FBXL13: variants seen among roughly 807,000 people sequenced by gnomAD.
FBXL13 encodes the protein F-box and leucine-rich repeat protein 13.
FBXL13 carries 67 observed loss-of-function variants against 83.6 expected under a neutral mutation model. The observed-to-expected ratio is 0.80, with a 90% CI of 0.66 to 0.98. The LOEUF (loss-of-function observed/expected upper bound fraction) is 0.98, where lower values mean the gene tolerates loss of function less well. Ranked by LOEUF, FBXL13 falls within the 50% of genes least tolerant of loss-of-function variation. The pLI is 0.00. For missense variants in FBXL13, 822 were observed against 866.5 expected, an observed-to-expected ratio of 0.95 and a Z score of 0.64; for synonymous variants, 272 against 299.5, an observed-to-expected ratio of 0.91 and a Z score of 0.95.
chr7:102,888,730 T>C (rs563792140), intron 11 of FBXL13, among the ~76,000 whole-genome samples: 2 of 150,818 alleles, frequency 1.3e-5, no homozygotes, highest in African/African-American at 4.9e-5. Flanking sequence ...TTTGTTTTTG[T>C]TTTTTTTTGT....
chr7:102,985,232 C>G (rs1828798043), intron 6 of FBXL13, among the ~76,000 whole-genome samples: 1 of 152,224 alleles, frequency 6.6e-6, no homozygotes, highest in Non-Finnish European at 1.5e-5. Flanking sequence ...ACCTGGCCAG[C>G]ATGCATCTGG....
intron 16 of FBXL13, among the ~76,000 whole-genome samples, chr7:102,869,563 C>T (rs1341040827): frequency 6.6e-6 from 1 of 152,138 alleles, no homozygotes; most frequent in Non-Finnish European, 1.5e-5. Context: ...AACCAATGTC[C>T]TAAAGTGTTT....
intron 5 of FBXL13, among the ~76,000 whole-genome samples, chr7:103,027,022 G>A (rs539380711): frequency 1.5e-4 from 23 of 152,192 alleles, no homozygotes; most frequent in East Asian, 1.4e-3. Context: ...GGCCAGACAC[G>A]GTGGCTCACG....
intron 2 of FBXL13, among the ~76,000 whole-genome samples, chr7:103,052,265 T>A (rs1585568075): frequency 6.6e-6 from 1 of 152,258 alleles, no homozygotes; most frequent in African/African-American, 2.4e-5. Flanking sequence ...ACTATACATT[T>A]TTTTTAAGAG....
intron 2 of FBXL13, among the ~76,000 whole-genome samples, chr7:103,043,162 A>G (rs1365423487): frequency 2.0e-5 from 3 of 152,272 alleles, no homozygotes; most frequent in African/African-American, 7.2e-5. Flanking sequence ...TGGGCAAAGG[A>G]TATGAACAGA....
In FBXL13 at chr7:103,057,420, G is replaced by T. The variant is rs1797443222; in HGVS notation, c.-104-1673C>A. ...ATGAGAAACTCATTGGGGTTGGGGG[G>T]GGTTGTTTTGTTCTGTTGTTTTGTT... On this transcript the variant is annotated intron_variant, in intron 1 of 19. Coordinates refer to ENST00000313221, the Ensembl canonical transcript of FBXL13. Among the ~76,000 whole-genome samples the T allele has an allele frequency of 2.0e-5, 3 of 150,818 alleles. No homozygotes were observed. The South Asian group carries it at 6.4e-4, about 32-fold the overall frequency.
At chr7:102,964,965 A>G (rs1825822188) in intron 7 of FBXL13, among the ~76,000 whole-genome samples, 2 of 152,212 alleles carry the variant, frequency 1.3e-5, no homozygotes, top group Non-Finnish European at 2.9e-5. Flanking sequence ...AGAAAGAGAA[A>G]ATCTAAAGCA....
chr7:102,961,370 T>C lies in FBXL13; in HGVS notation c.724+2163A>G, dbSNP rs1389549937. 6.6e-5 allele frequency among the ~76,000 whole-genome samples: 10 copies of C among 150,524 alleles called. No homozygotes were observed. The East Asian group carries it at 1.4e-3, about 21-fold the overall frequency. ...CAAATGGAAGAACATTCCATGCTCA[T>C]GGGTAGGAAGAATCAATATCGTGAA... On this transcript the variant is annotated intron_variant, in intron 8 of 19. Transcript: ENST00000313221.
intron 18 of FBXL13, among the ~76,000 whole-genome samples, chr7:102,826,620 G>A (rs1267885191): frequency 1.3e-5 from 2 of 149,128 alleles, no homozygotes. Context: ...AGCTACTCAG[G>A]AGGCTGAGGT....
chr7:102,926,296 T>C, exon 10 of FBXL13: 1 of 1,613,888 alleles, frequency 6.2e-7, no homozygotes, highest in Admixed American at 1.7e-5. Flanking sequence ...CGCATCGTCC[T>C]GTTGGTGATA....
chr7:102,922,691 G>A (rs1817289058), intron 10 of FBXL13, among the ~76,000 whole-genome samples: 1 of 152,158 alleles, frequency 6.6e-6, no homozygotes, highest in Admixed American at 6.5e-5. Flanking sequence ...AAAGAATGAT[G>A]ACTGGGCGTG....
At chr7:103,039,398 C>A (rs2129491473) in intron 2 of FBXL13, among the ~76,000 whole-genome samples, 1 of 152,284 alleles carries the variant, frequency 6.6e-6, no homozygotes, top group Admixed American at 6.5e-5. Flanking sequence ...TTAGAAAACA[C>A]TCTTCAGGAT....
At position 102,832,824 on chromosome 7, in the gene FBXL13, T is replaced by C. The variant is rs1329891849; in HGVS notation, c.1854+16A>G. ...GCTTAAATTGGATGTGTTTGAGCCC[T>C]GACTCCTGCACATACCTTTGGACAG... On this transcript the variant is annotated intron_variant, in intron 18 of 19. Transcript: ENST00000313221. The C allele has an allele frequency of 4.3e-6, 7 of 1,613,722 alleles. No individual in the cohort carries two copies. In the Admixed American group the frequency reaches 8.3e-5, roughly 19 times the overall value.
chr7:102,844,303 C>T (rs1048757793), intron 17 of FBXL13, among the ~76,000 whole-genome samples: 6 of 152,160 alleles, frequency 3.9e-5, no homozygotes, highest in East Asian at 1.9e-4. Flanking sequence ...TCTGAATCTT[C>T]GCCTCCCCTC....
intron 17 of FBXL13, among the ~76,000 whole-genome samples, chr7:102,846,090 C>T (rs1027299781): frequency 2.6e-5 from 4 of 152,092 alleles, no homozygotes; most frequent in African/African-American, 9.7e-5. Context: ...TACAACAGTG[C>T]CTGACATGTA....
At chr7:103,015,855 T>C (rs1437753759) in intron 6 of FBXL13, among the ~76,000 whole-genome samples, 3 of 141,848 alleles carry the variant, frequency 2.1e-5, no homozygotes, top group African/African-American at 7.9e-5. Context: ...ACCAACAACA[T>C]ACACACTGTG....
intron 2 of FBXL13, among the ~76,000 whole-genome samples, chr7:103,043,082 G>A (rs1031589773): frequency 6.6e-6 from 1 of 152,108 alleles, no homozygotes; most frequent in Admixed American, 6.6e-5. Context: ...CTGACAAAGG[G>A]CTAATATCCA....
intron 2 of FBXL13, among the ~76,000 whole-genome samples, chr7:103,046,514 A>G (rs1369542032): frequency 6.6e-6 from 1 of 152,226 alleles, no homozygotes; most frequent in Non-Finnish European, 1.5e-5. Flanking sequence ...GAGGCGACAT[A>G]TATACCATTA....
At chr7:102,984,663 A>G (rs1828727754) in intron 6 of FBXL13, among the ~76,000 whole-genome samples, 1 of 152,222 alleles carries the variant, frequency 6.6e-6, no homozygotes, top group Non-Finnish European at 1.5e-5. Context: ...GAAGGGAAAG[A>G]AGATAACAAT....
Sources: allele counts gnomAD v4.1 joint callset (sites outside exome capture counted in the v4.1 genomes callset), GRCh38; gene constraint gnomAD v4.1.1; transcripts MANE v1.5; gene names NCBI Gene and HGNC (gene_info 2026-07-23, HGNC 2026-07-21).